The following NLRP11 variants were observed in gnomAD, a reference collection of about 807,000 sequenced individuals.
NLRP11 encodes NACHT, LRR and PYD domains-containing protein 11.
In NLRP11, 53 loss-of-function variants were observed where a neutral mutation model predicts 79.3. The observed-to-expected ratio is 0.67, with a 90% confidence interval of 0.54 to 0.84. NLRP11 has a LOEUF of 0.84. NLRP11 is among the 40% of genes least tolerant of loss of function. The pLI is 0.00. For missense variants in NLRP11, 1,264 were observed against 1,255.0 expected (o/e 1.01, Z -0.11); for synonymous variants, 518 against 462.6 (o/e 1.12, Z -1.54).
chr19:55,821,205 T>TCTCTCA (rs74181752), intron 1 of NLRP11, among the ~76,000 whole-genome samples: 3 of 85,220 alleles, frequency 3.5e-5, no homozygotes, highest in African/African-American at 1.7e-4. Flanking sequence ...TCTCTCTCTC[T>TCTCTCA]CACACACACA....
chr19:55,835,508 C>A (rs1467751819), upstream of NLRP11, among the ~76,000 whole-genome samples: 1 of 150,850 alleles, frequency 6.6e-6, no homozygotes, highest in Non-Finnish European at 1.5e-5. Flanking sequence ...CGAGACCAGC[C>A]TGGCCAACAT....
At chr19:55,785,939 A>G (rs1989853994) in intron 9 of NLRP11, 68 bp from the exon 10 acceptor site, 1 of 1,504,734 alleles carries the variant, frequency 6.6e-7, no homozygotes, top group African/African-American at 1.4e-5. Context: ...TGCATCAATG[A>G]CTAATTCCCC....
At chr19:55,795,055 G>A (rs1488650556) in intron 6 of NLRP11, among the ~76,000 whole-genome samples, 1 of 152,096 alleles carries the variant, frequency 6.6e-6, no homozygotes, top group African/African-American at 2.4e-5. Flanking sequence ...AATACACCGA[G>A]CTACTTACTG....
At chr19:55,794,174 T>TATA in intron 6 of NLRP11, among the ~76,000 whole-genome samples, 1 of 152,230 alleles carries the variant, frequency 6.6e-6, no homozygotes, top group Non-Finnish European at 1.5e-5. Flanking sequence ...TATTGTAGTG[T>TATA]TGTACAACTC....
upstream of NLRP11, among the ~76,000 whole-genome samples, chr19:55,833,936 T>C (rs1435525041): frequency 1.3e-5 from 2 of 150,196 alleles, no homozygotes; most frequent in African/African-American, 4.9e-5. Flanking sequence ...GCTGGTGCCA[T>C]TTGTATTTAA....
At chr19:55,807,334 A>T (rs913811405) in intron 4 of NLRP11, among the ~76,000 whole-genome samples, 1 of 152,164 alleles carries the variant, frequency 6.6e-6, no homozygotes, top group African/African-American at 2.4e-5. Context: ...AGGCAAGTAC[A>T]GCTGCTTTTC....
intron 7 of NLRP11, 89 bp downstream of exon 7, chr19:55,792,212 A>G: frequency 3.6e-6 from 4 of 1,099,508 alleles, no homozygotes; most frequent in Non-Finnish European, 4.1e-6. Flanking sequence ...TGATGCCATC[A>G]CTGGAATCTT....
exon 8 of NLRP11, chr19:55,789,398 G>T: frequency 6.2e-7 from 1 of 1,610,522 alleles, no homozygotes; most frequent in South Asian, 1.1e-5. Context: ...CAGCCAGACA[G>T]ACTGCAAAAC....
chr19:55,797,057 G>A (rs1004170537), intron 5 of NLRP11, among the ~76,000 whole-genome samples: 4 of 152,070 alleles, frequency 2.6e-5, no homozygotes, highest in Non-Finnish European at 4.4e-5. Context: ...AAGTCCACAA[G>A]CATATTTTTG....
chr19:55,814,170 G>C (rs1007099933), intron 2 of NLRP11, among the ~76,000 whole-genome samples: 1 of 152,028 alleles, frequency 6.6e-6, no homozygotes, highest in Non-Finnish European at 1.5e-5. Flanking sequence ...ACCCTATTGT[G>C]AACTGCACAT....
intron 1 of NLRP11, among the ~76,000 whole-genome samples, chr19:55,827,118 A>G (rs934427812): frequency 7.1e-6 from 1 of 141,018 alleles, no homozygotes; most frequent in Non-Finnish European, 1.5e-5. Flanking sequence ...CCGCATACCT[A>G]CAACTATCTG....
chr19:55,794,192 G>C (rs965841741), intron 6 of NLRP11, among the ~76,000 whole-genome samples: 2 of 152,074 alleles, frequency 1.3e-5, no homozygotes, highest in Non-Finnish European at 2.9e-5. Flanking sequence ...CTCTAAATAT[G>C]CATAAAAAAC....
At chr19:55,833,765 C>CAAAA (rs71182919), upstream of NLRP11, among the ~76,000 whole-genome samples, 423 of 23,494 alleles carry the variant, frequency 0.018, 46 homozygotes, top group African/African-American at 0.029. Context: ...GACTCCGTCT[C>CAAAA]AAAAAAAAAA....
rs1167882045 is a variant in NLRP11 at position 55,798,278 on chromosome 19, G to A, written c.2172-2028C>T. 9 of 976,838 alleles carry A rather than the reference G, an allele frequency of 9.2e-6. No homozygotes were observed. The African/African-American group carries it at 1.1e-4, about 11-fold the overall frequency. 60.5% of individuals were successfully genotyped at this position (976,838 alleles called of 1,614,324 possible). ...CTCCCAAAGTGTTGGGATTCCAGGCGTGAGCCGTCGCGTTGGCCTGTGTAT... is the reference window on the plus strand; with the variant it reads ...CTCCCAAAGTGTTGGGATTCCAGGCATGAGCCGTCGCGTTGGCCTGTGTAT... On this transcript the variant is annotated intron_variant, in intron 5 of 9. Coordinates refer to ENST00000589093, the Ensembl canonical transcript of NLRP11.
At chr19:55,800,562 T>C (rs966350183) in intron 5 of NLRP11, among the ~76,000 whole-genome samples, 2 of 152,102 alleles carry the variant, frequency 1.3e-5, no homozygotes, top group African/African-American at 4.8e-5. Flanking sequence ...GTGATCCACA[T>C]CCTCTGCCTC....
chr19:55,796,029 ATT>A (rs1357639388), intron 6 of NLRP11, 49 bp downstream of exon 6: 1 of 1,505,776 alleles, frequency 6.6e-7, no homozygotes, highest in Middle Eastern at 1.9e-4. Context: ...GTGCTTAGAT[ATT>A]CAAGTCAGTC....
chr19:55,832,353 C>A (rs924202069), upstream of NLRP11, among the ~76,000 whole-genome samples: 2 of 152,180 alleles, frequency 1.3e-5, no homozygotes, highest in Non-Finnish European at 2.9e-5. Flanking sequence ...GAGGGGAATA[C>A]GCTGTCTAGT....
At position 55,809,853 on chromosome 19, in the gene NLRP11, C is replaced by T. The variant is rs1209736209; in HGVS notation, c.757G>A (p.Val253Ile). 6.2e-7 allele frequency: 1 copy of T among 1,614,064 alleles called. No individual in the cohort carries two copies. Among genetic ancestry groups the T allele is most frequent in the Non-Finnish European group, 8.5e-7 (1 of 1,180,034 alleles). Residue 253 changes from valine to isoleucine, a missense_variant, in exon 3 of 10, where the codon GTT (valine) becomes ATT (isoleucine). By Grantham distance (29) the Val-to-Ile change is conservative (BLOSUM62 3). Coordinates refer to ENST00000589093, the Ensembl canonical transcript of NLRP11. This position sits in a 1 kb window ranked among gnomAD's most constrained non-coding sequence, Gnocchi z 4.5. Reference sequence around the variant, plus strand: ...CTGACCAGGAGAACTGGAATGGGAACTTTCTGGGTGCTGTTACTACACAAA... The same window carrying T: ...CTGACCAGGAGAACTGGAATGGGAATTTTCTGGGTGCTGTTACTACACAAA...
upstream of NLRP11, among the ~76,000 whole-genome samples, chr19:55,833,550 G>C (rs1982975052): frequency 6.6e-6 from 1 of 151,882 alleles, no homozygotes; most frequent in African/African-American, 2.4e-5. Context: ...CAGATCAGAA[G>C]GTCAGAAGAT....
Sources: allele counts gnomAD v4.1 joint callset (sites outside exome capture counted in the v4.1 genomes callset), GRCh38; gene constraint gnomAD v4.1.1; non-coding constraint Gnocchi (gnomAD v3.1); transcripts MANE v1.5; gene names NCBI Gene and HGNC (gene_info 2026-07-23, HGNC 2026-07-21).